The following PLEKHA7 variants were observed in gnomAD, a reference collection of about 807,000 sequenced individuals.
PLEKHA7 encodes the protein pleckstrin homology domain-containing family A member 7.
PLEKHA7 carries 104 observed loss-of-function variants against 170.0 expected under a neutral mutation model. That is an observed-to-expected ratio of 0.61 (90% confidence interval 0.52 to 0.72). The LOEUF is 0.72. Ranked by LOEUF, PLEKHA7 falls within the 30% of genes least tolerant of loss-of-function variation. PLEKHA7 has a pLI of 0.00. For synonymous variants in PLEKHA7, 648 were observed against 660.8 expected, an observed-to-expected ratio of 0.98 and a Z score of 0.30; for missense variants, 1,615 against 1,671.7, an observed-to-expected ratio of 0.97 and a Z score of 0.59.
chr11:16,804,898 C>T (rs568790109), intron 13 of PLEKHA7, among the ~76,000 whole-genome samples: 61 of 150,682 alleles, frequency 4.0e-4, no homozygotes, highest in South Asian at 4.2e-4. Flanking sequence ...GCGGGGGGGG[C>T]GGTGCAGGGA....
intron 13 of PLEKHA7, among the ~76,000 whole-genome samples, chr11:16,805,577 G>C (rs1438173614): frequency 6.6e-6 from 1 of 151,872 alleles, no homozygotes; most frequent in Non-Finnish European, 1.5e-5. Context: ...GAATTATGAG[G>C]TCAGGAGTTC....
rs148181274 is a variant in PLEKHA7, at chr11:16,793,890, A to T, written c.2745+598T>A. Among the ~76,000 whole-genome samples, 128 of 152,360 alleles carry T rather than the reference A, an allele frequency of 8.4e-4. 3 individuals are homozygous for T. The East Asian group carries it at 0.024, about 28-fold the overall frequency. The stretch of plus-strand genomic sequence containing the variant: ...CAGAATAAAAGAGAAGGGCCAGGAG[A>T]TGTGATTGGATTCACTAGTTAGCAT... On this transcript the variant is annotated intron_variant, in intron 19 of 26. Coordinates refer to ENST00000531066, the MANE Select transcript of PLEKHA7 (RefSeq NM_001329630.2).
chr11:16,794,072 C>A (rs937694774), intron 19 of PLEKHA7, among the ~76,000 whole-genome samples: 3 of 152,122 alleles, frequency 2.0e-5, no homozygotes, highest in African/African-American at 7.2e-5. Flanking sequence ...AAGGGAAGGA[C>A]ACTTTTCCAC....
In PLEKHA7 at chr11:16,850,666, G is replaced by T. The variant is rs191790871; in HGVS notation, c.696+525C>A. The stretch of plus-strand genomic sequence containing the variant: ...CAGACACAGACCAAGTAGGAAAGGG[G>T]TTTTACTGGTAAAGGGATCTGCCTG... On this transcript the variant is annotated intron_variant, in intron 8 of 26. Coordinates refer to ENST00000531066, the MANE Select transcript of PLEKHA7 (RefSeq NM_001329630.2). 2.7e-3 allele frequency among the ~76,000 whole-genome samples: 413 copies of T among 152,328 alleles called. 1 individual carries two copies. Among genetic ancestry groups the T allele is most frequent in the African/African-American group, 9.5e-3 (393 of 41,570 alleles).
intron 3 of PLEKHA7, among the ~76,000 whole-genome samples, chr11:16,993,232 A>G (rs1864150524): frequency 6.6e-6 from 1 of 152,080 alleles, no homozygotes; most frequent in Admixed American, 6.5e-5. Context: ...AAGGAAAATA[A>G]GGCAGTAGGC....
At chr11:16,783,854 G>A (rs1849225475) in intron 24 of PLEKHA7, 21 bp from the exon 25 acceptor site, 2 of 1,426,512 alleles carry the variant, frequency 1.4e-6, no homozygotes, top group East Asian at 2.8e-5. Context: ...GCCAGGAGGT[G>A]GCAGAGGGAG....
intron 3 of PLEKHA7, among the ~76,000 whole-genome samples, chr11:16,919,254 C>A (rs959231355): frequency 2.0e-5 from 3 of 152,118 alleles, no homozygotes; most frequent in African/African-American, 7.2e-5. Context: ...CCCTGTATTA[C>A]CCCATATCAT....
intron 3 of PLEKHA7, among the ~76,000 whole-genome samples, chr11:16,975,842 G>C (rs1385152288): frequency 1.3e-5 from 2 of 152,158 alleles, no homozygotes; most frequent in African/African-American, 2.4e-5. Flanking sequence ...TTAAATGCTT[G>C]AAGTAAAGCT....
At chr11:16,982,691 A>G (rs1863502433) in intron 3 of PLEKHA7, among the ~76,000 whole-genome samples, 1 of 151,870 alleles carries the variant, frequency 6.6e-6, no homozygotes, top group Non-Finnish European at 1.5e-5. Flanking sequence ...ACCTGTGTCC[A>G]CGACCTGACC....
At chr11:16,814,034 G>A (rs931932075) in intron 12 of PLEKHA7, among the ~76,000 whole-genome samples, 3 of 152,200 alleles carry the variant, frequency 2.0e-5, no homozygotes, top group African/African-American at 7.2e-5. Context: ...GCCGAGGCAG[G>A]TGGCCTTTGC....
intron 3 of PLEKHA7, among the ~76,000 whole-genome samples, chr11:16,892,616 C>CT (rs1479729633): frequency 1.4e-4 from 12 of 82,862 alleles, no homozygotes; most frequent in African/African-American, 6.0e-4. Flanking sequence ...CAGCTTCCAG[C>CT]TTCTTTTTTT....
intron 11 of PLEKHA7, among the ~76,000 whole-genome samples, 158 bp downstream of exon 11, chr11:16,816,642 C>T (rs1401082689): frequency 6.6e-6 from 1 of 152,174 alleles, no homozygotes; most frequent in Admixed American, 6.5e-5. Context: ...TAAAGCGAAG[C>T]CCTTGGGAAC....
chr11:16,806,682 G>A (rs1034183738), intron 13 of PLEKHA7, among the ~76,000 whole-genome samples: 1 of 152,202 alleles, frequency 6.6e-6, no homozygotes, highest in Admixed American at 6.5e-5. Flanking sequence ...TTCTAGTCCA[G>A]CTCCAGGCTG....
chr11:16,910,683 A>C (rs1464355082), intron 3 of PLEKHA7, among the ~76,000 whole-genome samples: 2 of 152,192 alleles, frequency 1.3e-5, no homozygotes. Flanking sequence ...ACTGGCATCC[A>C]GGGGGTAAAA....
At chr11:16,930,890 A>G (rs1306656694) in intron 3 of PLEKHA7, among the ~76,000 whole-genome samples, 1 of 152,180 alleles carries the variant, frequency 6.6e-6, no homozygotes, top group East Asian at 1.9e-4. Flanking sequence ...CCAGTGCCTT[A>G]GAACCAGGCA....
chr11:17,008,102 G>A (rs1359345444), intron 3 of PLEKHA7, among the ~76,000 whole-genome samples: 2 of 152,204 alleles, frequency 1.3e-5, no homozygotes, highest in Non-Finnish European at 2.9e-5. Flanking sequence ...CCAAGCCTCA[G>A]AAATGTCTTT....
At chr11:16,979,871 G>C (rs1863315368) in intron 3 of PLEKHA7, among the ~76,000 whole-genome samples, 1 of 152,132 alleles carries the variant, frequency 6.6e-6, no homozygotes, top group African/African-American at 2.4e-5. Flanking sequence ...AAGCAAGCAG[G>C]TCTGTGTACA....
intron 3 of PLEKHA7, among the ~76,000 whole-genome samples, chr11:16,960,146 CG>C (rs1197408130): frequency 1.3e-5 from 2 of 152,208 alleles, no homozygotes; most frequent in Non-Finnish European, 2.9e-5. Context: ...CTTTAGGCCA[CG>C]TTCCTTTCAG....
At chr11:16,965,652 C>A (rs548488770) in intron 3 of PLEKHA7, among the ~76,000 whole-genome samples, 8 of 152,152 alleles carry the variant, frequency 5.3e-5, no homozygotes, top group Non-Finnish European at 8.8e-5. Flanking sequence ...GGTCTGTATC[C>A]GAGAAGTGAA....
Sources: gnomAD v4.1 joint callset for allele counts (sites outside exome capture counted in the v4.1 genomes callset) on GRCh38, gnomAD v4.1.1 for gene constraint, MANE v1.5 for transcripts, NCBI Gene and HGNC (gene_info 2026-07-23, HGNC 2026-07-21) for gene names.